Variants in CNGA2 observed in about 807,000 individuals in gnomAD.
CNGA2 encodes the protein cyclic nucleotide gated channel subunit alpha 2, also known as cyclic nucleotide-gated channel alpha-2.
Under a neutral mutation model 35.9 loss-of-function variants are expected in CNGA2, and 22 were observed. The observed-to-expected ratio is 0.61, with a 90% CI of 0.44 to 0.88. CNGA2 has a LOEUF of 0.88. Among genes scored for constraint, CNGA2 ranks in the 40% least tolerant of loss-of-function variants. The pLI is 0.00. For missense variants in CNGA2, 555 were observed against 530.8 expected, an observed-to-expected ratio of 1.05 and a Z score of -0.45; for synonymous variants, 217 against 209.2, an observed-to-expected ratio of 1.04 and a Z score of -0.32.
At chrX:151,740,017 G>T (rs949276734) in intron 4 of CNGA2, among the ~76,000 whole-genome samples, 3 of 112,335 alleles carry the variant, frequency 2.7e-5, no homozygotes, top group Non-Finnish European at 5.6e-5. Flanking sequence ...AGTTCCAGTG[G>T]TCAGGAAATA....
At chrX:151,739,442 T>C in intron 3 of CNGA2, 120 bp from the exon 4 acceptor site, 1 of 788,807 alleles carries the variant, frequency 1.3e-6, no homozygotes, top group Non-Finnish European at 1.8e-6. Flanking sequence ...TCTGGCCTGT[T>C]TGTAGGTTTC....
chrX:151,735,359 T>A (rs2015236632), intron 1 of CNGA2, among the ~76,000 whole-genome samples: 1 of 112,109 alleles, frequency 8.9e-6, no homozygotes, highest in Admixed American at 9.4e-5. Context: ...TTGTTTGGTA[T>A]CTCCTGTCTG....
chrX:151,737,818 G>A (rs2015263006), intron 1 of CNGA2, among the ~76,000 whole-genome samples: 1 of 107,689 alleles, frequency 9.3e-6, no homozygotes, highest in Non-Finnish European at 1.9e-5. Context: ...TTAAGCTGCC[G>A]AGCAGCTCCA....
At chrX:151,740,965 C>A in intron 5 of CNGA2, 64 bp downstream of exon 5, 1 of 851,845 alleles carries the variant, frequency 1.2e-6, no homozygotes, top group Non-Finnish European at 1.7e-6. Flanking sequence ...CCGGGATTGA[C>A]GGCGCAGCAG....
intron 1 of CNGA2, among the ~76,000 whole-genome samples, chrX:151,735,753 G>T (rs2015241474): frequency 9.0e-6 from 1 of 111,503 alleles, no homozygotes; most frequent in Non-Finnish European, 1.9e-5. Context: ...ACCTTTGTCA[G>T]CCCCCTATCC....
chrX:151,743,989 G>C lies in CNGA2; in HGVS notation c.1486G>C (p.Glu496Gln), dbSNP rs781386759. The change falls in exon 7 of 7, where the codon GAG (glutamate) becomes CAG (glutamine). Residue 496 changes from glutamate (E) to glutamine (Q), a missense_variant. Coordinates refer to ENST00000329903, the MANE Select transcript of CNGA2 (RefSeq NM_005140.3). Reference protein sequence around the residue: ...DIGKEMYIIKEGKLAVVADDG... With the variant: ...DIGKEMYIIKQGKLAVVADDG... Reference sequence around the variant, plus strand: ...CGGCAAGGAGATGTACATCATTAAGGAGGGCAAACTGGCAGTGGTGGCTGA... The same window carrying C: ...CGGCAAGGAGATGTACATCATTAAGCAGGGCAAACTGGCAGTGGTGGCTGA... 9 of 1,209,577 alleles carry C rather than the reference G, an allele frequency of 7.4e-6. No homozygotes were observed. The highest frequency in any genetic ancestry group is 1.8e-5 in the African/African-American group (1 of 56,960).
chrX:151,743,639 A>G lies in CNGA2; in HGVS notation c.1136A>G (p.Asn379Ser), dbSNP rs190235182. Residue 379 changes from asparagine (N) to serine (S), a missense_variant, in exon 7 of 7, where the codon AAT becomes AGT. Physicochemically the swap from Asn to Ser is conservative, Grantham distance 46 (BLOSUM62 1). Transcript: ENST00000329903. ...GTGGGCTCCATGATCTCCAACATGA[A>G]TGCCACCCGGGCAGAGTTCCAGGCT... ...GNVGSMISNMNATRAEFQAKI... is the reference protein window; with the variant it reads ...GNVGSMISNMSATRAEFQAKI... 20 of 1,209,636 alleles carry G rather than the reference A, an allele frequency of 1.7e-5. No individual in the cohort carries two copies. In the East Asian group the frequency reaches 4.4e-4, roughly 27 times the overall value.
rs1005853757 is a variant in CNGA2, at chrX:151,740,999, C to T, written c.482+98C>T. 1.2e-5 allele frequency: 7 copies of T among 591,710 alleles called. No individual in the cohort carries two copies. The African/African-American group carries it at 1.3e-4, about 11-fold the overall frequency. 48.8% of individuals were successfully genotyped at this position (591,710 alleles called of 1,213,427 possible). ...AGTCCCTGGATACCAATGGCACCTC[C>T]AACTTCTCTGTTAACCCCAACCCTC... is the stretch of plus-strand genomic sequence containing the variant. On this transcript the variant is annotated intron_variant, in intron 5 of 6. Coordinates refer to ENST00000329903, the MANE Select transcript of CNGA2 (RefSeq NM_005140.3).
chrX:151,741,308 T>G (rs1179301471), intron 5 of CNGA2, among the ~76,000 whole-genome samples: 1 of 112,069 alleles, frequency 8.9e-6, no homozygotes, highest in Non-Finnish European at 1.9e-5. Context: ...TCACCACTCT[T>G]GGATCAGAAC....
In CNGA2 at chrX:151,744,756, G is replaced by T. The variant is rs763400874; in HGVS notation, c.*258G>T. Reference sequence around the variant, plus strand: ...TGCCTAAGTCTGAGGAAGGGAGAAGGGGGCAGCTGTCTGCCAGGAGTCTGG... The same window carrying T: ...TGCCTAAGTCTGAGGAAGGGAGAAGTGGGCAGCTGTCTGCCAGGAGTCTGG... On this transcript the variant is annotated 3_prime_UTR_variant, in exon 7 of 7. Transcript: ENST00000329903. The T allele has an allele frequency of 6.3e-6, 2 of 315,288 alleles. No homozygotes were observed. The highest frequency in any genetic ancestry group is 3.0e-4 in the South Asian group (2 of 6,579). 26.0% of individuals were successfully genotyped at this position (315,288 alleles called of 1,213,427 possible). A position where few individuals can be genotyped will look rare whatever the true frequency, so the allele number is the denominator to read the frequency against.
rs1291003234 is a variant in CNGA2 at position 151,734,775 on chromosome X, C to T, written c.-195C>T. Reference sequence around the variant, plus strand: ...GACTCTATTATTTCAAGAAAGATGGCGTGGATAAACTGTTAGATGCTGCTC... The same window carrying T: ...GACTCTATTATTTCAAGAAAGATGGTGTGGATAAACTGTTAGATGCTGCTC... On this transcript the variant is annotated 5_prime_UTR_variant, in exon 1 of 7. Coordinates refer to ENST00000329903, the MANE Select transcript of CNGA2 (RefSeq NM_005140.3). Among the ~76,000 whole-genome samples the T allele has an allele frequency of 1.3e-4, 14 of 111,492 alleles. No individual in the cohort carries two copies. In the Admixed American group the frequency reaches 1.3e-3, roughly 11 times the overall value.
Position 151,743,022 on chromosome X carries a change from ATATATG to A in CNGA2, c.590-70_590-65del. ...TATATATATACACATATATATGTAT[ATATATG>A]CACATATATATGTATATATATACCC... is the stretch of plus-strand genomic sequence containing the variant. On this transcript the variant is annotated intron_variant, in intron 6 of 6. Transcript: ENST00000329903. The A allele has an allele frequency of 8.6e-6, 2 of 231,819 alleles. 1 individual carries two copies. The allele number at this position is 231,819 out of a possible 1,213,427, so 19.1% of individuals were successfully genotyped here.
chrX:151,740,334 G>C (rs982004452), intron 4 of CNGA2, among the ~76,000 whole-genome samples: 1 of 112,507 alleles, frequency 8.9e-6, no homozygotes, highest in African/African-American at 3.2e-5. Flanking sequence ...TTGGAGGCTG[G>C]AGGCCAATGA....
At chrX:151,736,792 C>T (rs1317860924) in intron 1 of CNGA2, among the ~76,000 whole-genome samples, 1 of 111,224 alleles carries the variant, frequency 9.0e-6, no homozygotes, top group Non-Finnish European at 1.9e-5. Flanking sequence ...AGGATGTGAA[C>T]ATATGCTGTG....
chrX:151,743,552 A>T lies in CNGA2; in HGVS notation c.1049A>T (p.Tyr350Phe), dbSNP rs765894732. 14 of 1,208,848 alleles carry T rather than the reference A, an allele frequency of 1.2e-5. No homozygotes were observed. The highest frequency in any genetic ancestry group is 2.3e-4 in the Middle Eastern group (1 of 4,372). ...CCACCCCCTGTAAAGGATGAGGAGT[A>T]CCTATTTGTCATCTTTGACTTCCTG... ...ETPPPVKDEE[Y>F]LFVIFDFLIG... The change falls in exon 7 of 7, where the codon TAC becomes TTC. Residue 350 changes from tyrosine (Y) to phenylalanine (F), a missense_variant. Coordinates refer to ENST00000329903, the MANE Select transcript of CNGA2 (RefSeq NM_005140.3).
rs143042099 is a variant in CNGA2, at chrX:151,744,420, G to C, written c.1917G>C (p.Lys639Asn). ...LKQRITVLET[K>N]MKQNNEDDYL... ...AGCGCATCACAGTTCTGGAAACCAA[G>C]ATGAAACAGAACAATGAAGATGACT... Residue 639 changes from lysine (K) to asparagine (N), a missense_variant, in exon 7 of 7, where the codon AAG becomes AAC. Coordinates refer to ENST00000329903, the MANE Select transcript of CNGA2 (RefSeq NM_005140.3). The C allele has an allele frequency of 5.7e-5, 69 of 1,208,414 alleles. No homozygotes were observed. In the African/African-American group the frequency reaches 9.7e-4, roughly 17 times the overall value.
rs1311522218 is a variant in CNGA2, at chrX:151,744,587, A to C, written c.*89A>C. 1.3e-5 allele frequency: 10 copies of C among 789,577 alleles called. No individual in the cohort carries two copies. Among genetic ancestry groups the C allele is most frequent in the Non-Finnish European group, 1.8e-5 (10 of 558,340 alleles). 65.1% of individuals were successfully genotyped at this position (789,577 alleles called of 1,213,427 possible). ...TATTTAGATCTCCGGATTTACATGC[A>C]TTACCCTCATGTTCCCTGAATTCTC... On this transcript the variant is annotated 3_prime_UTR_variant, in exon 7 of 7. Transcript: ENST00000329903.
chrX:151,744,049 G>A lies in CNGA2; in HGVS notation c.1546G>A (p.Gly516Arg), dbSNP rs1223476328. The A allele has an allele frequency of 8.3e-7, 1 of 1,211,525 alleles. No homozygotes were observed. Among genetic ancestry groups the A allele is most frequent in the East Asian group, 3.0e-5 (1 of 33,823 alleles). The stretch of plus-strand genomic sequence containing the variant: ...GACTCAGTATGCTCTGCTGTCGGCT[G>A]GAAGCTGCTTTGGCGAGATCAGTAT... ...GVTQYALLSA[G>R]SCFGEISILN... The change falls in exon 7 of 7, where the codon GGA (glycine) becomes AGA (arginine). Residue 516 changes from glycine (G) to arginine (R), a missense_variant. Gly to Arg is a moderately radical substitution (Grantham distance 125). Transcript: ENST00000329903.
chrX:151,744,282 G>C lies in CNGA2; in HGVS notation c.1779G>C (p.Met593Ile), dbSNP rs2015351460. ...LLDENEVATS[M>I]EVDVQEKLGQ... ...ATGAGAACGAAGTGGCAACCAGCAT[G>C]GAGGTCGACGTGCAGGAGAAGCTAG... Residue 593 changes from methionine to isoleucine, a missense_variant, in exon 7 of 7, where the codon ATG becomes ATC. Physicochemically the swap from Met to Ile is conservative, Grantham distance 10. Coordinates refer to ENST00000329903, the MANE Select transcript of CNGA2 (RefSeq NM_005140.3). 20 of 1,208,383 alleles carry C rather than the reference G, an allele frequency of 1.7e-5. No individual in the cohort carries two copies. Among genetic ancestry groups the C allele is most frequent in the Non-Finnish European group, 2.1e-5 (19 of 894,874 alleles).
Sources: allele counts gnomAD v4.1 joint callset (sites outside exome capture counted in the v4.1 genomes callset), GRCh38; gene constraint gnomAD v4.1.1; transcripts MANE v1.5; gene names NCBI Gene and HGNC (gene_info 2026-07-23, HGNC 2026-07-21).